Variants in DSCAM observed in about 807,000 individuals in gnomAD.
The protein encoded by DSCAM is DS cell adhesion molecule, also known as cell adhesion molecule DSCAM.
In DSCAM, 47 loss-of-function variants were observed where a neutral mutation model predicts 217.7. That is an observed-to-expected ratio of 0.22 (90% CI 0.17 to 0.28). DSCAM has a LOEUF of 0.28. DSCAM is among the 10% of genes least tolerant of loss of function. The probability of loss-of-function intolerance (pLI) is 1.00; values close to 1 mark genes in which losing one functional copy is unlikely to be tolerated. For synonymous variants in DSCAM, 1,056 were observed against 1,015.3 expected (o/e 1.04, Z -0.76); for missense variants, 2,080 against 2,618.3 (o/e 0.79, Z 4.49).
At chr21:40,503,685 T>C (rs371409093) in intron 3 of DSCAM, among the ~76,000 whole-genome samples, 1 of 152,232 alleles carries the variant, frequency 6.6e-6, no homozygotes, top group Admixed American at 6.5e-5. Flanking sequence ...CTTTAAGTCA[T>C]TAACATTCGT....
chr21:40,774,180 A>G (rs769773412), intron 1 of DSCAM, among the ~76,000 whole-genome samples: 1 of 152,196 alleles, frequency 6.6e-6, no homozygotes, highest in Admixed American at 6.5e-5. Context: ...CTGCCCTAAG[A>G]CCAATCTTTT....
chr21:40,758,750 T>G (rs1246543880), intron 1 of DSCAM, among the ~76,000 whole-genome samples: 1 of 152,054 alleles, frequency 6.6e-6, no homozygotes, highest in Non-Finnish European at 1.5e-5. Context: ...ACCTGGCTCC[T>G]AAAAGGGCCT....
chr21:40,805,077 T>C (rs1306469377), intron 1 of DSCAM, among the ~76,000 whole-genome samples: 3 of 152,190 alleles, frequency 2.0e-5, no homozygotes, highest in Admixed American at 2.0e-4. Context: ...TAGGGAGCTG[T>C]CATGACCTCC....
At chr21:40,039,751 A>G (rs1349215660) in intron 32 of DSCAM, among the ~76,000 whole-genome samples, 1 of 152,236 alleles carries the variant, frequency 6.6e-6, no homozygotes, top group Non-Finnish European at 1.5e-5. Context: ...GGCCAAATTC[A>G]TGTAACTTGA....
At chr21:40,580,865 TAGAA>T (rs1465186248) in intron 3 of DSCAM, among the ~76,000 whole-genome samples, 3 of 152,208 alleles carry the variant, frequency 2.0e-5, no homozygotes, top group South Asian at 2.1e-4. Context: ...TGGTGTTTAT[TAGAA>T]AGAAGTGTAT....
intron 11 of DSCAM, among the ~76,000 whole-genome samples, chr21:40,207,808 A>G (rs115651972): frequency 0.034 from 5,159 of 152,178 alleles, 125 homozygotes; most frequent in African/African-American, 0.065. Flanking sequence ...GACAGGGTTG[A>G]TTCCTCCTGA....
chr21:40,292,355 G>A (rs1428951509), intron 10 of DSCAM, among the ~76,000 whole-genome samples: 3 of 152,018 alleles, frequency 2.0e-5, no homozygotes, highest in Admixed American at 6.6e-5. Flanking sequence ...ATTTATGAGG[G>A]AGCTGCACTT....
rs113293383 is a variant in DSCAM, at chr21:40,307,244, A to G, written c.2062+4837T>C. Among the ~76,000 whole-genome samples the G allele has an allele frequency of 3.3e-5, 5 of 152,028 alleles. No homozygotes were observed. The East Asian group carries it at 9.7e-4, about 29-fold the overall frequency. The stretch of plus-strand genomic sequence containing the variant: ...ACTCAAACAAATTTACAAGAAAAAA[A>G]AAACAACCCCATCAAAAAGTAGGCA... On this transcript the variant is annotated intron_variant, in intron 9 of 32. Coordinates refer to ENST00000400454, the MANE Select transcript of DSCAM (RefSeq NM_001389.5).
intron 32 of DSCAM, among the ~76,000 whole-genome samples, chr21:40,020,939 G>A (rs2088254978): frequency 6.6e-6 from 1 of 152,176 alleles, no homozygotes; most frequent in Admixed American, 6.5e-5. Context: ...CCCTAAGTGA[G>A]GGTGAGGGAT....
chr21:40,683,457 GAAGA>G (rs2090437287), intron 3 of DSCAM, among the ~76,000 whole-genome samples: 1 of 151,998 alleles, frequency 6.6e-6, no homozygotes, highest in Non-Finnish European at 1.5e-5. Context: ...AAGAAGGAAG[GAAGA>G]AAGTAAAGAC....
chr21:40,156,283 A>AAGACAGAGAGAGAG (rs1396308714), intron 16 of DSCAM, among the ~76,000 whole-genome samples: 1 of 86,168 alleles, frequency 1.2e-5, no homozygotes, highest in South Asian at 5.2e-4. Flanking sequence ...CAGTCAAACT[A>AAGACAGAGAGAGAG]AGACAGAGAG....
intron 3 of DSCAM, among the ~76,000 whole-genome samples, chr21:40,428,213 G>A (rs951027533): frequency 3.3e-5 from 5 of 151,178 alleles, no homozygotes; most frequent in Non-Finnish European, 1.5e-5. Context: ...CCTCAACTGT[G>A]TGACCATGAG....
rs534811741 is a variant in DSCAM at position 40,662,117 on chromosome 21, G to T, written c.508+30693C>A. Among the ~76,000 whole-genome samples the T allele has an allele frequency of 1.1e-4, 6 of 56,420 alleles. No individual in the cohort carries two copies. In the Admixed American group the frequency reaches 1.2e-3, roughly 11 times the overall value. 37.0% of individuals were successfully genotyped at this position (56,420 alleles called of 152,430 possible). A position where few individuals can be genotyped will look rare whatever the true frequency, so the allele number is the denominator to read the frequency against. On this transcript the variant is annotated intron_variant, in intron 3 of 32. Transcript: ENST00000400454. ...GAAGCCTGAGGAATAAGCACATTACGTTGTTAAAACAAACAAACAAACAAA... is the reference window on the plus strand; with the variant it reads ...GAAGCCTGAGGAATAAGCACATTACTTTGTTAAAACAAACAAACAAACAAA...
At chr21:40,427,473 C>T (rs1488909690) in intron 3 of DSCAM, among the ~76,000 whole-genome samples, 23 of 152,176 alleles carry the variant, frequency 1.5e-4, no homozygotes, top group Admixed American at 1.5e-3. Flanking sequence ...GTATCAGGAT[C>T]GTTTTTCAGA....
At chr21:40,493,879 A>AAATAT (rs1555845575) in intron 3 of DSCAM, among the ~76,000 whole-genome samples, 12 of 135,548 alleles carry the variant, frequency 8.9e-5, no homozygotes, top group Non-Finnish European at 1.5e-4. Flanking sequence ...AAAAAAAAAA[A>AAATAT]ATATATACAT....
chr21:40,615,029 C>T (rs533019676), intron 3 of DSCAM, among the ~76,000 whole-genome samples: 1 of 151,530 alleles, frequency 6.6e-6, no homozygotes, highest in South Asian at 2.1e-4. Context: ...GGGGGCCAGG[C>T]GTAGTGGCTC....
At chr21:40,516,520 G>A (rs571077393) in intron 3 of DSCAM, among the ~76,000 whole-genome samples, 1 of 152,102 alleles carries the variant, frequency 6.6e-6, no homozygotes, top group African/African-American at 2.4e-5. Flanking sequence ...TGTGAGGAAC[G>A]GTGGCATGCC....
chr21:40,061,855 C>CCT (rs2089128167), intron 28 of DSCAM, among the ~76,000 whole-genome samples: 1 of 152,064 alleles, frequency 6.6e-6, no homozygotes, highest in Non-Finnish European at 1.5e-5. Context: ...CTAGATCCAC[C>CCT]CTCTCTCTCC....
At chr21:40,188,136 C>T in intron 12 of DSCAM, 149 bp from the exon 13 acceptor site, 1 of 607,804 alleles carries the variant, frequency 1.6e-6, no homozygotes, top group Non-Finnish European at 2.9e-6. Context: ...ACTCACAAAA[C>T]CCCCATTCCT....
Sources: allele counts gnomAD v4.1 joint callset (sites outside exome capture counted in the v4.1 genomes callset), GRCh38; gene constraint gnomAD v4.1.1; transcripts MANE v1.5; gene names NCBI Gene and HGNC (gene_info 2026-07-23, HGNC 2026-07-21).